Variants in SYT14 observed in about 807,000 individuals in gnomAD.
The protein encoded by SYT14 is synaptotagmin 14, also known as synaptotagmin-14.
SYT14 carries 32 observed loss-of-function variants against 74.2 expected under a neutral mutation model. The observed-to-expected ratio is 0.43, with a 90% CI of 0.33 to 0.58. SYT14 has a LOEUF of 0.58. SYT14 is among the 20% of genes least tolerant of loss of function. The pLI is 0.05. For missense variants in SYT14, 791 were observed against 981.8 expected (o/e 0.81, Z 2.60); for synonymous variants, 298 against 337.7 (o/e 0.88, Z 1.29).
At chr1:210,146,827 CATACTATATGTATGTATGTACTACATAT>C (rs1214749610) in intron 7 of SYT14, among the ~76,000 whole-genome samples, 2 of 150,802 alleles carry the variant, frequency 1.3e-5, no homozygotes, top group Non-Finnish European at 3.0e-5. Context: ...ATACTACATG[CATACTATATGTATGTATGTACTACATAT>C]ATACTATATG....
intron 8 of SYT14, among the ~76,000 whole-genome samples, chr1:210,159,014 G>A (rs2102722709): frequency 6.6e-6 from 1 of 152,034 alleles, no homozygotes; most frequent in South Asian, 2.1e-4. Context: ...AATAATAAAA[G>A]TATTTGAAAT....
At chr1:210,148,370 G>C (rs945477159) in intron 7 of SYT14, among the ~76,000 whole-genome samples, 1 of 152,078 alleles carries the variant, frequency 6.6e-6, no homozygotes, top group African/African-American at 2.4e-5. Context: ...TTAGCCGGGC[G>C]TGGTGGCGGG....
exon 7 of SYT14, chr1:210,100,274 A>G: frequency 6.2e-7 from 1 of 1,614,146 alleles, no homozygotes; most frequent in Non-Finnish European, 8.5e-7. Context: ...GTCTTCACAG[A>G]AACATTTAAA....
chr1:210,041,658 T>A (rs1301559137), intron 5 of SYT14, among the ~76,000 whole-genome samples: 2 of 152,238 alleles, frequency 1.3e-5, no homozygotes, highest in South Asian at 2.1e-4. Flanking sequence ...TGCTTATTGT[T>A]AAAAACAGTA....
intron 5 of SYT14, among the ~76,000 whole-genome samples, chr1:210,039,185 C>T (rs187778640): frequency 8.6e-5 from 13 of 151,958 alleles, no homozygotes; most frequent in African/African-American, 3.1e-4. Context: ...TCTGCTTGGT[C>T]TAGTCTGTTT....
intron 2 of SYT14, among the ~76,000 whole-genome samples, chr1:210,005,394 C>T (rs770823406): frequency 6.6e-6 from 1 of 151,910 alleles, no homozygotes; most frequent in Non-Finnish European, 1.5e-5. Context: ...CACAGATTGG[C>T]TTTAACCAGA....
At chr1:209,998,755 G>A (rs1035318872) in intron 2 of SYT14, among the ~76,000 whole-genome samples, 1 of 152,020 alleles carries the variant, frequency 6.6e-6, no homozygotes, top group Non-Finnish European at 1.5e-5. Context: ...GCAGAAAAAT[G>A]AAACTGTACT....
intron 5 of SYT14, among the ~76,000 whole-genome samples, chr1:210,048,592 C>CA (rs1176703876): frequency 6.6e-6 from 1 of 152,226 alleles, no homozygotes; most frequent in African/African-American, 2.4e-5. Context: ...TCCCATGTCA[C>CA]ATGGAACTTG....
chr1:210,110,633 G>A (rs1463517036), intron 7 of SYT14, among the ~76,000 whole-genome samples: 1 of 152,166 alleles, frequency 6.6e-6, no homozygotes, highest in African/African-American at 2.4e-5. Context: ...GTACCAAGGA[G>A]ACATAGTAAA....
intron 2 of SYT14, among the ~76,000 whole-genome samples, chr1:209,991,081 T>A (rs1217367799): frequency 6.6e-6 from 1 of 152,122 alleles, no homozygotes; most frequent in Admixed American, 6.6e-5. Context: ...GATTGCCATA[T>A]GCAGAATGAA....
At chr1:210,069,491 T>A (rs1326964915) in intron 5 of SYT14, among the ~76,000 whole-genome samples, 1 of 152,060 alleles carries the variant, frequency 6.6e-6, no homozygotes, top group Non-Finnish European at 1.5e-5. Context: ...AATTCATCTT[T>A]CTGGTGGATT....
intron 5 of SYT14, among the ~76,000 whole-genome samples, chr1:210,036,230 G>C (rs1428051549): frequency 2.6e-5 from 4 of 152,008 alleles, no homozygotes; most frequent in Admixed American, 6.6e-5. Flanking sequence ...TTGGATCTCA[G>C]CTTATTGTTG....
chr1:210,137,035 T>C (rs903418566), intron 7 of SYT14, among the ~76,000 whole-genome samples: 1 of 152,206 alleles, frequency 6.6e-6, no homozygotes, highest in African/African-American at 2.4e-5. Flanking sequence ...AGCTTCAGAC[T>C]GAACCACAAT....
chr1:210,103,019 T>C (rs1007700494), intron 7 of SYT14, among the ~76,000 whole-genome samples: 1 of 152,154 alleles, frequency 6.6e-6, no homozygotes, highest in East Asian at 1.9e-4. Context: ...TGTTGTCATT[T>C]TTATTGTAAC....
Position 209,990,558 on chromosome 1 carries a change from T to TAC in SYT14, c.-485-23074_-485-23073dup, listed in dbSNP as rs57967480. On this transcript the variant is annotated intron_variant, in intron 2 of 9. Transcript: ENST00000637265. ...ATATACGTATATATATGTATATATA[T>TAC]ACGTATATATATGTATGTATATTTC... Among the ~76,000 whole-genome samples, 126 of 77,620 alleles carry TAC rather than the reference T, an allele frequency of 1.6e-3. 11 individuals are homozygous for TAC. In the Middle Eastern group the frequency reaches 0.043, roughly 27 times the overall value. The allele number at this position is 77,620 out of a possible 152,430, so 50.9% of individuals were successfully genotyped here. A position where few individuals can be genotyped will look rare whatever the true frequency, so the allele number is the denominator to read the frequency against.
intron 7 of SYT14, among the ~76,000 whole-genome samples, chr1:210,151,511 C>CCA (rs1553289531): frequency 2.1e-5 from 3 of 139,708 alleles, no homozygotes; most frequent in South Asian, 4.6e-4. Context: ...AATGCCCCCC[C>CCA]CCTTTTTTTT....
chr1:210,078,342 A>T (rs532500652), intron 5 of SYT14, among the ~76,000 whole-genome samples: 5 of 147,710 alleles, frequency 3.4e-5, no homozygotes, highest in Admixed American at 6.8e-5. Flanking sequence ...AAAAAAATGC[A>T]TCTATTTCAG....
chr1:210,157,120 A>G lies in SYT14; in HGVS notation c.2224+1210A>G, dbSNP rs527971884. ...AATTCTCACAGACTTACTTAATGCC[A>G]TGTTTTATTCCAAGAAGCAAGTAAT... On this transcript the variant is annotated intron_variant, in intron 8 of 9. Transcript: ENST00000637265. Among the ~76,000 whole-genome samples, 13 of 152,176 alleles carry G rather than the reference A, an allele frequency of 8.5e-5. 1 individual carries two copies. In the South Asian group the frequency reaches 1.5e-3, roughly 17 times the overall value.
intron 4 of SYT14, among the ~76,000 whole-genome samples, chr1:210,020,489 A>G (rs1416892828): frequency 6.6e-6 from 1 of 152,196 alleles, no homozygotes; most frequent in Non-Finnish European, 1.5e-5. Flanking sequence ...AAGTAGTATC[A>G]GTTATAATTT....
Sources: allele counts gnomAD v4.1 joint callset (sites outside exome capture counted in the v4.1 genomes callset), GRCh38; gene constraint gnomAD v4.1.1; transcripts MANE v1.5; gene names NCBI Gene and HGNC (gene_info 2026-07-23, HGNC 2026-07-21).